The following ABLIM1 variants were observed in gnomAD, a reference collection of about 807,000 sequenced individuals.
The protein encoded by ABLIM1 is actin binding LIM protein 1.
In ABLIM1, 40 loss-of-function variants were observed where a neutral mutation model predicts 107.0. That is an observed-to-expected ratio of 0.37 (90% CI 0.29 to 0.49). The LOEUF is 0.49. ABLIM1 is among the 20% of genes least tolerant of loss of function. The pLI, the probability that ABLIM1 is intolerant of heterozygous loss-of-function variation, is 0.97. For missense variants in ABLIM1, 857 were observed against 1,008.5 expected (o/e 0.85, Z 2.04); for synonymous variants, 357 against 357.3 (o/e 1.00, Z 0.01).
chr10:114,692,637 A>G (rs2081105321), intron 1 of ABLIM1, among the ~76,000 whole-genome samples: 1 of 152,228 alleles, frequency 6.6e-6, no homozygotes, highest in African/African-American at 2.4e-5. Flanking sequence ...CATGGCTGTA[A>G]TCCCAGCACT....
intron 14 of ABLIM1, among the ~76,000 whole-genome samples, chr10:114,450,326 T>TAA (rs1342360090): frequency 6.6e-6 from 1 of 151,720 alleles, no homozygotes; most frequent in East Asian, 1.9e-4. Context: ...TTACGATACA[T>TAA]ACATTTCTCT....
intron 1 of ABLIM1, among the ~76,000 whole-genome samples, chr10:114,634,207 A>G (rs1265332831): frequency 8.3e-6 from 1 of 120,362 alleles, no homozygotes; most frequent in Non-Finnish European, 1.6e-5. Context: ...ATCTCGGCTC[A>G]CTGCAAGCTC....
chr10:114,599,353 G>A (rs905266273), intron 2 of ABLIM1, among the ~76,000 whole-genome samples: 1 of 152,078 alleles, frequency 6.6e-6, no homozygotes, highest in Non-Finnish European at 1.5e-5. Flanking sequence ...AACTAAAAGA[G>A]AAAAAAAGCA....
chr10:114,799,481 T>TC, the ABLIM1 span, among the ~76,000 whole-genome samples: 1 of 152,018 alleles, frequency 6.6e-6, no homozygotes, highest in Non-Finnish European at 1.5e-5. Flanking sequence ...GAACTCTTGA[T>TC]CCCCCCCTCC....
intron 1 of ABLIM1, among the ~76,000 whole-genome samples, chr10:114,618,768 G>A (rs1009006756): frequency 2.6e-5 from 4 of 152,200 alleles, no homozygotes; most frequent in African/African-American, 9.6e-5. Flanking sequence ...GTACTGTGTT[G>A]ACTGCCGACT....
intron 13 of ABLIM1, among the ~76,000 whole-genome samples, chr10:114,452,721 T>G (rs777723525): frequency 1.3e-5 from 2 of 152,216 alleles, no homozygotes; most frequent in South Asian, 4.1e-4. Context: ...CATTAAGATA[T>G]TATATTAATG....
chr10:114,550,283 T>C (rs147782927), intron 4 of ABLIM1, among the ~76,000 whole-genome samples: 139 of 152,186 alleles, frequency 9.1e-4, no homozygotes, highest in African/African-American at 3.1e-3. Context: ...CATCTGGTAG[T>C]TTACTATAAA....
chr10:114,567,075 C>T (rs929492728), intron 4 of ABLIM1, among the ~76,000 whole-genome samples: 2 of 152,164 alleles, frequency 1.3e-5, no homozygotes, highest in African/African-American at 4.8e-5. Context: ...TGGTGGTTTC[C>T]ATTCACCAAC....
chr10:114,457,551 G>A (rs774495977), intron 12 of ABLIM1, among the ~76,000 whole-genome samples: 5 of 152,094 alleles, frequency 3.3e-5, no homozygotes, highest in Non-Finnish European at 7.4e-5. Flanking sequence ...GATTACAGGC[G>A]TGAGATACTG....
intron 9 of ABLIM1, 117 bp from the exon 10 acceptor site, chr10:114,473,249 A>C: frequency 1.0e-6 from 1 of 969,186 alleles, no homozygotes; most frequent in East Asian, 2.5e-5. Context: ...CAAAAACCAA[A>C]ACATCTTGCC....
At chr10:114,546,515 G>A (rs573433479) in intron 5 of ABLIM1, among the ~76,000 whole-genome samples, 1 of 152,076 alleles carries the variant, frequency 6.6e-6, no homozygotes, top group South Asian at 2.1e-4. Flanking sequence ...GGCTGGTCTC[G>A]AACTCTCAAC....
chr10:114,753,766 G>A (rs2082570027), intron 1 of ABLIM1, among the ~76,000 whole-genome samples: 2 of 152,096 alleles, frequency 1.3e-5, no homozygotes, highest in African/African-American at 2.4e-5. Flanking sequence ...GCCCACCAAC[G>A]AACACAATGA....
chr10:114,714,823 G>A (rs1356161814), intron 1 of ABLIM1, among the ~76,000 whole-genome samples: 4 of 152,124 alleles, frequency 2.6e-5, no homozygotes, highest in African/African-American at 9.7e-5. Context: ...TAAAGAAATT[G>A]ACCCTACATA....
chr10:114,470,638 G>T (rs893197042), intron 10 of ABLIM1, among the ~76,000 whole-genome samples: 12 of 152,134 alleles, frequency 7.9e-5, no homozygotes, highest in African/African-American at 2.4e-4. Context: ...GGTTATGACA[G>T]TAAGTATGCT....
intron 1 of ABLIM1, among the ~76,000 whole-genome samples, chr10:114,673,762 GGA>G (rs1591797634): frequency 6.6e-6 from 1 of 152,220 alleles, no homozygotes; most frequent in East Asian, 1.9e-4. Flanking sequence ...ACATGAGGAG[GGA>G]CCATATTTAT....
intron 1 of ABLIM1, among the ~76,000 whole-genome samples, chr10:114,656,908 G>C (rs997482098): frequency 6.6e-5 from 10 of 152,320 alleles, no homozygotes; most frequent in Admixed American, 5.9e-4. Context: ...GATTTCTTAA[G>C]GCTGAGAGAT....
chr10:114,498,702 T>C (rs764050513), intron 6 of ABLIM1, among the ~76,000 whole-genome samples: 4 of 152,232 alleles, frequency 2.6e-5, no homozygotes, highest in Non-Finnish European at 4.4e-5. Context: ...GAGAAGGACA[T>C]GATTTTAAAA....
At chr10:114,622,703 A>C (rs963546987) in intron 1 of ABLIM1, among the ~76,000 whole-genome samples, 3 of 152,178 alleles carry the variant, frequency 2.0e-5, no homozygotes, top group African/African-American at 7.2e-5. Flanking sequence ...CCCCTTGCAC[A>C]CAGATTTTCT....
rs747630843 is a variant in ABLIM1, at chr10:114,441,119, A to T, written c.1999-42T>A. The T allele has an allele frequency of 2.6e-6, 4 of 1,539,374 alleles. No homozygotes were observed. The South Asian group carries it at 4.8e-5, about 19-fold the overall frequency. On this transcript the variant is annotated intron_variant, in intron 18 of 22. Transcript: ENST00000533213. ...CAATTATTAGGAAATCTCCATAGTG[A>T]TCGTTTTGGAGTCAGGTGAAAAGGA...
Sources: allele counts gnomAD v4.1 joint callset (sites outside exome capture counted in the v4.1 genomes callset), GRCh38; gene constraint gnomAD v4.1.1; transcripts MANE v1.5; gene names NCBI Gene and HGNC (gene_info 2026-07-23, HGNC 2026-07-21).